The following SHROOM3 variants were observed in gnomAD, a reference collection of about 807,000 sequenced individuals.
The protein encoded by SHROOM3 is protein Shroom3.
In SHROOM3, 47 loss-of-function variants were observed where a neutral mutation model predicts 138.6. The observed-to-expected ratio is 0.34, with a 90% confidence interval of 0.27 to 0.43. The LOEUF (loss-of-function observed/expected upper bound fraction) is 0.43. SHROOM3 is among the 20% of genes least tolerant of loss of function. The probability of loss-of-function intolerance (pLI) is 1.00; values close to 1 mark genes in which losing one functional copy is unlikely to be tolerated. For missense variants in SHROOM3, 2,491 were observed against 2,596.5 expected, an observed-to-expected ratio of 0.96 and a Z score of 0.88; for synonymous variants, 1,062 against 1,063.3, an observed-to-expected ratio of 1.00 and a Z score of 0.02.
chr4:76,586,533 T>C, intron 2 of SHROOM3: 10 of 949,420 alleles, frequency 1.1e-5, no homozygotes, highest in Non-Finnish European at 1.3e-5. Flanking sequence ...TTGGCAGAAA[T>C]GCCAGCATTG....
chr4:76,528,225 C>T (rs1732742257), intron 1 of SHROOM3, among the ~76,000 whole-genome samples: 1 of 152,094 alleles, frequency 6.6e-6, no homozygotes, highest in Non-Finnish European at 1.5e-5. Flanking sequence ...CTTATTATCC[C>T]CAATTTCTAC....
At chr4:76,728,623 C>T (rs71607371) in intron 3 of SHROOM3, among the ~76,000 whole-genome samples, 10,765 of 152,290 alleles carry the variant, frequency 0.071, 500 homozygotes, top group Non-Finnish European at 0.1. Context: ...GTTGGTTCTG[C>T]TGTTGATGTC....
chr4:76,474,532 G>A (rs1731442285), intron 1 of SHROOM3, among the ~76,000 whole-genome samples: 1 of 152,152 alleles, frequency 6.6e-6, no homozygotes, highest in Non-Finnish European at 1.5e-5. Context: ...ATTGTACAAA[G>A]AGAGTAATGG....
chr4:76,513,354 T>A (rs1435254964), intron 1 of SHROOM3, among the ~76,000 whole-genome samples: 2 of 151,956 alleles, frequency 1.3e-5, no homozygotes, highest in African/African-American at 4.8e-5. Context: ...GACAGAGTCT[T>A]GCTCTGTTAC....
At chr4:76,498,015 A>G (rs1233853985) in intron 1 of SHROOM3, among the ~76,000 whole-genome samples, 2 of 152,150 alleles carry the variant, frequency 1.3e-5, no homozygotes, top group African/African-American at 4.8e-5. Context: ...AAACCCCTGG[A>G]TGGTTTTAGC....
Position 76,741,883 on chromosome 4 carries a change from A to G in SHROOM3, c.3710A>G (p.His1237Arg), listed in dbSNP as rs764106493. Reference sequence around the variant, plus strand: ...TCGGACGTCCTTGCGGGCCCTGTCCATGTGAGGTCCAGGTCATCTCCCGCC... The same window carrying G: ...TCGGACGTCCTTGCGGGCCCTGTCCGTGTGAGGTCCAGGTCATCTCCCGCC... ...ERSDVLAGPV[H>R]VRSRSSPATA... Residue 1237 changes from histidine (H) to arginine (R), a missense_variant, in exon 5 of 11, where the codon CAT becomes CGT. His to Arg is a conservative substitution (Grantham distance 29). Coordinates refer to ENST00000296043, the MANE Select transcript of SHROOM3 (RefSeq NM_020859.4). The surrounding 1 kb of genome is among the most constrained non-coding windows in gnomAD (Gnocchi z 6.2). The G allele has an allele frequency of 3.7e-6, 6 of 1,612,256 alleles. No individual in the cohort carries two copies. In the East Asian group the frequency reaches 8.9e-5, roughly 24 times the overall value.
chr4:76,729,414 CTGTT>C (rs1484936488), intron 3 of SHROOM3, among the ~76,000 whole-genome samples: 6 of 151,872 alleles, frequency 4.0e-5, no homozygotes, highest in Admixed American at 2.6e-4. Context: ...TGTTGACTGA[CTGTT>C]TGAAAAAAAA....
intron 1 of SHROOM3, among the ~76,000 whole-genome samples, chr4:76,511,043 G>A (rs1045461038): frequency 4.6e-5 from 7 of 152,062 alleles, no homozygotes; most frequent in Admixed American, 3.9e-4. Context: ...TTAGCCAAGT[G>A]TGGTGGTTGG....
chr4:76,440,926 CT>C (rs1439742687), intron 1 of SHROOM3, among the ~76,000 whole-genome samples: 6 of 151,884 alleles, frequency 4.0e-5, no homozygotes, highest in Non-Finnish European at 7.4e-5. Context: ...ATATCACCAC[CT>C]TTTTTCTATC....
intron 2 of SHROOM3, among the ~76,000 whole-genome samples, chr4:76,667,838 C>T (rs572859745): frequency 1.8e-3 from 276 of 151,434 alleles, no homozygotes; most frequent in Non-Finnish European, 2.8e-3. Flanking sequence ...CGTGGTGGCG[C>T]CCGCCTGTAG....
rs777145140 is a variant in SHROOM3 at position 76,740,140 on chromosome 4, G to C, written c.1967G>C (p.Gly656Ala). Residue 656 changes from glycine to alanine, a missense_variant, in exon 5 of 11, where the codon GGC becomes GCC. Transcript: ENST00000296043. This position sits in a 1 kb window ranked among gnomAD's most constrained non-coding sequence, Gnocchi z 4.0. ...GGCCAGAGCCTGTCAGGCAACTTTG[G>C]CAAGACCAAGTCAGCCTTCTCATCT... is the stretch of plus-strand genomic sequence containing the variant. Reference protein sequence around the residue: ...GLGQSLSGNFGKTKSAFSSLQ... With the variant: ...GLGQSLSGNFAKTKSAFSSLQ... The C allele has an allele frequency of 1.4e-5, 23 of 1,613,734 alleles. No homozygotes were observed. The highest frequency in any genetic ancestry group is 1.7e-5 in the Non-Finnish European group (20 of 1,180,022).
At chr4:76,601,727 G>C (rs973148941) in intron 2 of SHROOM3, among the ~76,000 whole-genome samples, 1 of 152,058 alleles carries the variant, frequency 6.6e-6, no homozygotes, top group Non-Finnish European at 1.5e-5. Context: ...GGCTGGTCTC[G>C]AACTCCTGAC....
intron 1 of SHROOM3, among the ~76,000 whole-genome samples, chr4:76,549,000 A>C (rs1442205068): frequency 6.6e-6 from 1 of 152,220 alleles, no homozygotes; most frequent in Non-Finnish European, 1.5e-5. Context: ...TAGCTGCTGA[A>C]GTAATTGGTC....
chr4:76,540,579 T>C (rs770547259), intron 1 of SHROOM3, among the ~76,000 whole-genome samples: 12 of 152,156 alleles, frequency 7.9e-5, no homozygotes, highest in East Asian at 1.9e-4. Context: ...GATCGAACCA[T>C]TGGACACTCA....
At chr4:76,471,246 C>CTTTT (rs1310668142) in intron 1 of SHROOM3, among the ~76,000 whole-genome samples, 1 of 141,492 alleles carries the variant, frequency 7.1e-6, no homozygotes. Flanking sequence ...TCCTTTCTTT[C>CTTTT]TTTTTTTTTT....
chr4:76,496,063 T>C (rs1400057523), intron 1 of SHROOM3, among the ~76,000 whole-genome samples: 1 of 152,190 alleles, frequency 6.6e-6, no homozygotes, highest in African/African-American at 2.4e-5. Context: ...AGGTAACAAG[T>C]GTCAAGATTA....
chr4:76,468,269 A>G (rs928926308), intron 1 of SHROOM3, among the ~76,000 whole-genome samples: 1 of 152,228 alleles, frequency 6.6e-6, no homozygotes, highest in Non-Finnish European at 1.5e-5. Flanking sequence ...CAGTACCTAC[A>G]GAGAGAGTAT....
At chr4:76,489,036 C>CAG (rs1731795095) in intron 1 of SHROOM3, among the ~76,000 whole-genome samples, 1 of 152,186 alleles carries the variant, frequency 6.6e-6, no homozygotes, top group Non-Finnish European at 1.5e-5. Flanking sequence ...TGGTGCCTAG[C>CAG]CAGGGCTCTG....
At chr4:76,475,335 G>A (rs1731464389) in intron 1 of SHROOM3, among the ~76,000 whole-genome samples, 1 of 152,172 alleles carries the variant, frequency 6.6e-6, no homozygotes, top group Non-Finnish European at 1.5e-5. Flanking sequence ...TCAATGGGTT[G>A]CTATATTAGA....
Sources: allele counts gnomAD v4.1 joint callset (sites outside exome capture counted in the v4.1 genomes callset), GRCh38; gene constraint gnomAD v4.1.1; non-coding constraint Gnocchi (gnomAD v3.1); transcripts MANE v1.5; gene names NCBI Gene and HGNC (gene_info 2026-07-23, HGNC 2026-07-21).